MBOAT1: variants seen among roughly 807,000 people sequenced by gnomAD.
The protein encoded by MBOAT1 is membrane bound glycerophospholipid O-acyltransferase 1.
In MBOAT1, 67 loss-of-function variants were observed where a neutral mutation model predicts 64.4. That is an observed-to-expected ratio of 1.04 (90% CI 0.85 to 1.27). MBOAT1 has a LOEUF of 1.27. Among genes scored for constraint, MBOAT1 ranks in the 50% most tolerant of loss-of-function variants. The pLI is 0.00. For missense variants in MBOAT1, 563 were observed against 604.6 expected, an observed-to-expected ratio of 0.93 and a Z score of 0.72; for synonymous variants, 229 against 218.9, an observed-to-expected ratio of 1.05 and a Z score of -0.41.
rs996564639 is a variant in MBOAT1, at chr6:20,212,372, C to G, written c.-138G>C. 20 of 719,514 alleles carry G rather than the reference C, an allele frequency of 2.8e-5. No individual in the cohort carries two copies. In the African/African-American group the frequency reaches 3.4e-4, roughly 12 times the overall value. The allele number at this position is 719,514 out of a possible 1,614,324, so 44.6% of individuals were successfully genotyped here. ...GTTCGCGGGGGAGCGAACGGGAGGC[C>G]GGGGAATGCGAACCGGCGCAAACTC... On this transcript the variant is annotated 5_prime_UTR_variant, in exon 1 of 13. Coordinates refer to ENST00000324607, the MANE Select transcript of MBOAT1 (RefSeq NM_001080480.3).
At chr6:20,120,013 G>GTGTC (rs1214633089) in intron 8 of MBOAT1, among the ~76,000 whole-genome samples, 4 of 151,534 alleles carry the variant, frequency 2.6e-5, no homozygotes, top group Admixed American at 6.6e-5. Context: ...GTGCGTGTGT[G>GTGTC]TGTGTGTGTG....
chr6:20,168,515 G>C (rs1204078325), intron 1 of MBOAT1, among the ~76,000 whole-genome samples: 1 of 140,254 alleles, frequency 7.1e-6, no homozygotes, highest in African/African-American at 2.7e-5. Flanking sequence ...GAGGAGAGGA[G>C]AGGAGAGGAG....
chr6:20,212,101 G>C (rs1763446255), intron 1 of MBOAT1, 35 bp downstream of exon 1: 1 of 1,596,242 alleles, frequency 6.3e-7, no homozygotes, highest in Admixed American at 1.7e-5. Context: ...GATCGCTGGG[G>C]AGCTGGGGTC....
chr6:20,136,348 A>G (rs919726307), intron 4 of MBOAT1, among the ~76,000 whole-genome samples: 1 of 152,218 alleles, frequency 6.6e-6, no homozygotes, highest in South Asian at 2.1e-4. Flanking sequence ...AAAATCACCA[A>G]TTCTCGATTT....
chr6:20,194,523 T>A (rs1419325618), intron 1 of MBOAT1, among the ~76,000 whole-genome samples: 1 of 152,186 alleles, frequency 6.6e-6, no homozygotes, highest in Non-Finnish European at 1.5e-5. Flanking sequence ...AGACAGGGGT[T>A]AAGGGTTATG....
rs141220333 is a variant in MBOAT1 at position 20,107,481 on chromosome 6, T to C, written c.1361+2117A>G. On this transcript the variant is annotated intron_variant, in intron 12 of 12. Transcript: ENST00000324607. ...AAAAAGATGCCCCCAGTGCCTAGGC[T>C]GAGGCAGATTCCTGTTACATACTCT... 7.0e-3 allele frequency among the ~76,000 whole-genome samples: 1,063 copies of C among 152,288 alleles called. 4 individuals are homozygous for C. The highest frequency in any genetic ancestry group is 0.024 in the African/African-American group (1,010 of 41,560).
At chr6:20,111,887 T>TATAC (rs1760181525) in intron 11 of MBOAT1, among the ~76,000 whole-genome samples, 2 of 140,444 alleles carry the variant, frequency 1.4e-5, no homozygotes, top group African/African-American at 5.4e-5. Context: ...TATGTATATA[T>TATAC]ATATATTCCA....
At position 20,112,980 on chromosome 6, in the gene MBOAT1, G is replaced by A; in HGVS notation, c.1105C>T (p.Pro369Ser). The A allele has an allele frequency of 6.2e-7, 1 of 1,614,010 alleles. No homozygotes were observed. The highest frequency in any genetic ancestry group is 8.5e-7 in the Non-Finnish European group (1 of 1,179,940). The part of the protein sequence containing the change: ...CVCYQRVPWY[P>S]TVLTFILSAL... ...GACAGGATGAAGGTTAGCACCGTGG[G>A]GTACCATGGAACCCGCTGATAGCAC... The change falls in exon 11 of 13, where the codon CCC (proline) becomes TCC (serine). Residue 369 changes from proline to serine, a missense_variant. By Grantham distance (74) the Pro-to-Ser change is moderately conservative. Coordinates refer to ENST00000324607, the MANE Select transcript of MBOAT1 (RefSeq NM_001080480.3).
At chr6:20,142,728 G>A (rs1403396741) in intron 4 of MBOAT1, among the ~76,000 whole-genome samples, 1 of 152,134 alleles carries the variant, frequency 6.6e-6, no homozygotes, top group African/African-American at 2.4e-5. Context: ...GGAATTATAG[G>A]CATGAGCCAC....
At chr6:20,139,844 C>T (rs553738961) in intron 4 of MBOAT1, among the ~76,000 whole-genome samples, 7 of 152,230 alleles carry the variant, frequency 4.6e-5, no homozygotes, top group Admixed American at 1.3e-4. Flanking sequence ...CATGAGTCAC[C>T]GTGCCCAGCC....
At chr6:20,186,587 A>G (rs1357619253) in intron 1 of MBOAT1, among the ~76,000 whole-genome samples, 1 of 152,242 alleles carries the variant, frequency 6.6e-6, no homozygotes, top group Non-Finnish European at 1.5e-5. Flanking sequence ...AGGGTCCCCA[A>G]CAAGGCCAGC....
intron 8 of MBOAT1, among the ~76,000 whole-genome samples, chr6:20,119,033 G>A (rs557343244): frequency 1.3e-5 from 2 of 152,266 alleles, no homozygotes; most frequent in Admixed American, 1.3e-4. Context: ...GAGGAGAACC[G>A]GCTCCGCAAG....
At chr6:20,195,434 T>G (rs1468317205) in intron 1 of MBOAT1, among the ~76,000 whole-genome samples, 1 of 152,228 alleles carries the variant, frequency 6.6e-6, no homozygotes, top group Non-Finnish European at 1.5e-5. Context: ...TAAAATGTTC[T>G]AGGTTCACCT....
At chr6:20,184,055 G>T (rs896823982) in intron 1 of MBOAT1, among the ~76,000 whole-genome samples, 1 of 152,202 alleles carries the variant, frequency 6.6e-6, no homozygotes, top group Non-Finnish European at 1.5e-5. Context: ...TAACACGTGG[G>T]AATTCTGGGA....
intron 8 of MBOAT1, among the ~76,000 whole-genome samples, chr6:20,120,294 T>C (rs1212088859): frequency 2.0e-5 from 3 of 152,114 alleles, no homozygotes; most frequent in South Asian, 4.1e-4. Context: ...CAAAATTAAA[T>C]ATGTGTGCAG....
intron 1 of MBOAT1, among the ~76,000 whole-genome samples, chr6:20,177,389 T>C (rs1249314203): frequency 6.6e-6 from 1 of 152,218 alleles, no homozygotes; most frequent in East Asian, 1.9e-4. Flanking sequence ...AGACGCAGTC[T>C]TACTTTGTTG....
intron 4 of MBOAT1, among the ~76,000 whole-genome samples, chr6:20,137,194 C>T (rs2113669849): frequency 6.6e-6 from 1 of 152,206 alleles, no homozygotes; most frequent in East Asian, 1.9e-4. Context: ...AGAGTTATGC[C>T]AGTTTACACT....
chr6:20,184,458 G>A lies in MBOAT1; in HGVS notation c.99+27678C>T, dbSNP rs566226137. On this transcript the variant is annotated intron_variant, in intron 1 of 12. Transcript: ENST00000324607. ...ACTGGCAGACAGGTGGGCAAGGGACGGACAATGACCCTTGGGAGTGGATCC... is the reference window on the plus strand; with the variant it reads ...ACTGGCAGACAGGTGGGCAAGGGACAGACAATGACCCTTGGGAGTGGATCC... Among the ~76,000 whole-genome samples the A allele has an allele frequency of 1.5e-4, 23 of 152,254 alleles. No individual in the cohort carries two copies. The South Asian group carries it at 4.1e-3, about 27-fold the overall frequency.
chr6:20,205,819 T>C (rs1189677381), intron 1 of MBOAT1, among the ~76,000 whole-genome samples: 1 of 152,028 alleles, frequency 6.6e-6, no homozygotes, highest in African/African-American at 2.4e-5. Flanking sequence ...TTCCACCACA[T>C]GAACGTGCAG....
Sources: gnomAD v4.1 joint callset for allele counts (sites outside exome capture counted in the v4.1 genomes callset) on GRCh38, gnomAD v4.1.1 for gene constraint, MANE v1.5 for transcripts, NCBI Gene and HGNC (gene_info 2026-07-23, HGNC 2026-07-21) for gene names.